The following NCAPG2 variants were observed in gnomAD, a reference collection of about 807,000 sequenced individuals.
The protein encoded by NCAPG2 is condensin-2 complex subunit G2.
NCAPG2 carries 53 observed loss-of-function variants against 141.1 expected under a neutral mutation model. That is an observed-to-expected ratio of 0.38 (90% CI 0.30 to 0.47). The LOEUF (loss-of-function observed/expected upper bound fraction) is 0.47. Ranked by LOEUF, NCAPG2 falls within the 20% of genes least tolerant of loss-of-function variation. NCAPG2 has a pLI of 0.99. For synonymous variants in NCAPG2, 499 were observed against 490.7 expected, an observed-to-expected ratio of 1.02 and a Z score of -0.22; for missense variants, 1,087 against 1,389.0, an observed-to-expected ratio of 0.78 and a Z score of 3.46.
intron 12 of NCAPG2, among the ~76,000 whole-genome samples, chr7:158,672,292 G>GTGTGTATA (rs1294151630): frequency 3.7e-5 from 1 of 27,226 alleles, no homozygotes; most frequent in Non-Finnish European, 6.3e-5. Flanking sequence ...GTGTGTGTGT[G>GTGTGTATA]TATATATATA....
chr7:158,700,830 A>G (rs1267348777), intron 2 of NCAPG2, among the ~76,000 whole-genome samples: 2 of 152,190 alleles, frequency 1.3e-5, no homozygotes, highest in African/African-American at 4.8e-5. Flanking sequence ...TCCTGCCCCA[A>G]AGATACTTTC....
chr7:158,656,789 C>T, intron 17 of NCAPG2, 84 bp from the exon 18 acceptor site: 1 of 1,486,384 alleles, frequency 6.7e-7, no homozygotes, highest in Non-Finnish European at 9.1e-7. Context: ...AACCAAGAAG[C>T]TAAAATCTGA....
intron 15 of NCAPG2, among the ~76,000 whole-genome samples, chr7:158,662,866 G>C (rs1199305862): frequency 6.6e-6 from 1 of 152,178 alleles, no homozygotes; most frequent in Admixed American, 6.5e-5. Context: ...CCACCCTACA[G>C]GCAGGCAGAA....
At position 158,631,666 on chromosome 7, in the gene NCAPG2, T is replaced by C. The variant is rs749017502; in HGVS notation, c.3432A>G (p.Ter1144=). 6.3e-7 allele frequency: 1 copy of C among 1,589,694 alleles called. No individual in the cohort carries two copies. Among genetic ancestry groups the C allele is most frequent in the Admixed American group, 1.7e-5 (1 of 59,822 alleles). ...SRTLGELLNS[*] is the part of the protein sequence containing the mutation. ...TACATGTCTGGAGATGTTGGCTTGG[T>C]TATGAATTCAAAAGTTCTCCCAGAG... The change falls in exon 28 of 28, where the codon TAA becomes TAG. Residue 1144 remains the stop codon, a stop_retained_variant. Coordinates refer to ENST00000356309, the MANE Select transcript of NCAPG2 (RefSeq NM_017760.7).
chr7:158,667,124 C>T, intron 13 of NCAPG2: 1 of 984,634 alleles, frequency 1.0e-6, no homozygotes, highest in South Asian at 4.7e-5. Flanking sequence ...AGCTTGCATG[C>T]TCGTCACAAA....
chr7:158,640,462 G>A (rs1341112443), intron 27 of NCAPG2: 1 of 152,152 alleles, frequency 6.6e-6, no homozygotes, highest in Non-Finnish European at 1.5e-5. Context: ...GAACTTAGGA[G>A]GCAGAGGTTG....
rs1327417072 is a variant in NCAPG2 at position 158,633,152 on chromosome 7, C to A, written c.3381-1435G>T. On this transcript the variant is annotated intron_variant, in intron 27 of 27. Coordinates refer to ENST00000356309, the MANE Select transcript of NCAPG2 (RefSeq NM_017760.7). The surrounding 1 kb of genome is among the most constrained non-coding windows in gnomAD (Gnocchi z 4.1). ...TAAGCTCTGGGGAATTTTTTCCTAT[C>A]GTTGTTGAATCACTGCTTCTCCTTG... is the stretch of plus-strand genomic sequence containing the variant. Among the ~76,000 whole-genome samples the A allele has an allele frequency of 6.6e-6, 1 of 151,988 alleles. No homozygotes were observed. Among genetic ancestry groups the A allele is most frequent in the East Asian group, 1.9e-4 (1 of 5,176 alleles).
intron 13 of NCAPG2, 41 bp downstream of exon 13, chr7:158,671,473 C>G (rs1833678478): frequency 1.2e-6 from 2 of 1,608,686 alleles, no homozygotes; most frequent in East Asian, 4.5e-5. Flanking sequence ...AACACATGTC[C>G]CTATTTCATG....
In NCAPG2 at chr7:158,655,256, G is replaced by A. The variant is rs545827026; in HGVS notation, c.2508C>T (p.Phe836=). The A allele has an allele frequency of 9.3e-6, 15 of 1,613,760 alleles. No individual in the cohort carries two copies. The South Asian group carries it at 1.2e-4, about 13-fold the overall frequency. Residue 836 remains phenylalanine, a splice_region_variant and synonymous_variant, in exon 21 of 28, where the codon TTC becomes TTT. Coordinates refer to ENST00000356309, the MANE Select transcript of NCAPG2 (RefSeq NM_017760.7). ...CRLSIHLQHK[F]CSEGKVYLSM... is the part of the protein sequence containing the mutation. The stretch of plus-strand genomic sequence containing the variant: ...ACAAATACACCTTTCCTTCTGAGCA[G>A]AACTGTCCAAAAACAAGAAGATAAA...
intron 26 of NCAPG2, 70 bp from the exon 27 acceptor site, chr7:158,644,458 C>T (rs1830858282): frequency 6.7e-6 from 9 of 1,337,256 alleles, no homozygotes; most frequent in Non-Finnish European, 3.2e-6. Context: ...CTCTGGTACA[C>T]ATGTGGTACA....
At chr7:158,695,450 T>A (rs1252091942) in intron 2 of NCAPG2, among the ~76,000 whole-genome samples, 1 of 152,190 alleles carries the variant, frequency 6.6e-6, no homozygotes, top group Non-Finnish European at 1.5e-5. Flanking sequence ...GCTAACTCCT[T>A]CCTGAAAAAT....
At chr7:158,699,551 T>C (rs1835660520) in intron 2 of NCAPG2, among the ~76,000 whole-genome samples, 1 of 152,124 alleles carries the variant, frequency 6.6e-6, no homozygotes, top group African/African-American at 2.4e-5. Context: ...GGGCCACACA[T>C]TGTGCCCCTC....
At chr7:158,655,965 C>A (rs902665340) in intron 19 of NCAPG2, among the ~76,000 whole-genome samples, 1 of 152,226 alleles carries the variant, frequency 6.6e-6, no homozygotes, top group African/African-American at 2.4e-5. Context: ...GTATGTGACA[C>A]ATCTCCTGCA....
intron 2 of NCAPG2, among the ~76,000 whole-genome samples, chr7:158,694,307 T>G (rs571631032): frequency 6.6e-6 from 1 of 152,138 alleles, no homozygotes; most frequent in South Asian, 2.1e-4. Flanking sequence ...TGAATAAACA[T>G]AGATGCAATA....
In NCAPG2 at chr7:158,655,475, A is replaced by C; in HGVS notation, c.2389-20T>G. ...ATCTGCCTGTAATAGAAAAAACCCAAGGGCCACATGCTGACTGACAAGGCA... is the reference window on the plus strand; with the variant it reads ...ATCTGCCTGTAATAGAAAAAACCCACGGGCCACATGCTGACTGACAAGGCA... On this transcript the variant is annotated intron_variant, in intron 19 of 27. Transcript: ENST00000356309. 1 of 1,596,032 alleles carries C rather than the reference A, an allele frequency of 6.3e-7. No homozygotes were observed. The highest frequency in any genetic ancestry group is 8.6e-7 in the Non-Finnish European group (1 of 1,163,736).
intron 21 of NCAPG2, 61 bp from the exon 22 acceptor site, chr7:158,654,755 C>T (rs1587120880): frequency 6.4e-7 from 1 of 1,554,338 alleles, no homozygotes; most frequent in Non-Finnish European, 8.7e-7. Flanking sequence ...GTAAATCCAG[C>T]CTCACAAAGC....
chr7:158,655,436 A>G lies in NCAPG2; in HGVS notation c.2408T>C (p.Leu803Pro). ...ETSKADLESL[L>P]QTPGGKPRGF... is the part of the protein sequence containing the mutation. The stretch of plus-strand genomic sequence containing the variant: ...ACGAGGCTTCCCACCCGGTGTCTGC[A>G]GAAGTGACTCCAGATCTGCCTGTAA... Residue 803 changes from leucine (L) to proline (P), a missense_variant, in exon 20 of 28, where the codon CTG becomes CCG. Physicochemically the swap from Leu to Pro is moderately conservative, Grantham distance 98. Transcript: ENST00000356309. The G allele has an allele frequency of 6.2e-7, 1 of 1,614,112 alleles. No homozygotes were observed. The highest frequency in any genetic ancestry group is 8.5e-7 in the Non-Finnish European group (1 of 1,180,012).
intron 11 of NCAPG2, among the ~76,000 whole-genome samples, chr7:158,679,298 C>T (rs1353737485): frequency 6.6e-6 from 1 of 152,220 alleles, no homozygotes; most frequent in Admixed American, 6.5e-5. Flanking sequence ...AACTTTACTA[C>T]TTAGGACAGT....
rs768485033 is a variant in NCAPG2 at position 158,671,486 on chromosome 7, A to G, written c.1479+28T>C. 210 of 1,613,250 alleles carry G rather than the reference A, an allele frequency of 1.3e-4. No homozygotes were observed. In the East Asian group the frequency reaches 1.4e-3, roughly 11 times the overall value. ...TGAACACATGTCCCTATTTCATGTC[A>G]TAAGTAAAAAAGCCCTATTCATCCT... On this transcript the variant is annotated intron_variant, in intron 13 of 27. Coordinates refer to ENST00000356309, the MANE Select transcript of NCAPG2 (RefSeq NM_017760.7).
Sources: allele counts gnomAD v4.1 joint callset (sites outside exome capture counted in the v4.1 genomes callset), GRCh38; gene constraint gnomAD v4.1.1; non-coding constraint Gnocchi (gnomAD v3.1); transcripts MANE v1.5; gene names NCBI Gene and HGNC (gene_info 2026-07-23, HGNC 2026-07-21).